FOXP2: variants seen among roughly 807,000 people sequenced by gnomAD.
The protein encoded by FOXP2 is forkhead box protein P2.
In FOXP2, 12 loss-of-function variants were observed where a neutral mutation model predicts 115.8. The observed-to-expected ratio is 0.10, with a 90% CI of 0.07 to 0.17. FOXP2 has a LOEUF of 0.17. FOXP2 is among the 10% of genes least tolerant of loss of function. The pLI is 1.00. For synonymous variants in FOXP2, 328 were observed against 297.7 expected (o/e 1.10, Z -1.05); for missense variants, 629 against 843.5 (o/e 0.75, Z 3.15).
chr7:114,578,267 G>C (rs1220275745), intron 3 of FOXP2, among the ~76,000 whole-genome samples: 2 of 151,884 alleles, frequency 1.3e-5, no homozygotes, highest in African/African-American at 4.8e-5. Flanking sequence ...TATTACCTGA[G>C]TAGATACTGC....
chr7:114,368,167 T>C (rs1395467888), intron 2 of FOXP2, among the ~76,000 whole-genome samples: 2 of 152,200 alleles, frequency 1.3e-5, no homozygotes, highest in African/African-American at 4.8e-5. Flanking sequence ...TTTTGAAACC[T>C]GTTTTATTTA....
chr7:114,485,643 A>G (rs1796740146), intron 2 of FOXP2, among the ~76,000 whole-genome samples: 2 of 152,186 alleles, frequency 1.3e-5, no homozygotes, highest in East Asian at 3.9e-4. Flanking sequence ...TAATAACAAT[A>G]AGAAGAATAA....
intron 1 of FOXP2, among the ~76,000 whole-genome samples, chr7:114,100,867 A>T (rs1790928535): frequency 6.6e-6 from 1 of 152,168 alleles, no homozygotes; most frequent in Non-Finnish European, 1.5e-5. Flanking sequence ...TTTAATCCTC[A>T]TAATCTCTTT....
chr7:114,428,842 C>T (rs1187679336), intron 2 of FOXP2, among the ~76,000 whole-genome samples: 1 of 151,396 alleles, frequency 6.6e-6, no homozygotes. Context: ...TTTATTAAAA[C>T]AAATTTCACA....
chr7:114,540,472 T>A (rs1799600015), intron 3 of FOXP2, among the ~76,000 whole-genome samples: 1 of 152,006 alleles, frequency 6.6e-6, no homozygotes, highest in Non-Finnish European at 1.5e-5. Flanking sequence ...AAACATCCAT[T>A]CATTCAGTAT....
chr7:114,626,297 T>C (rs992106421), intron 3 of FOXP2, among the ~76,000 whole-genome samples: 3 of 151,842 alleles, frequency 2.0e-5, no homozygotes, highest in Non-Finnish European at 4.4e-5. Flanking sequence ...TCTACAGTCA[T>C]ATTATATGTA....
At chr7:114,402,805 T>C (rs1792918139) in intron 2 of FOXP2, among the ~76,000 whole-genome samples, 2 of 152,030 alleles carry the variant, frequency 1.3e-5, no homozygotes, top group Non-Finnish European at 2.9e-5. Flanking sequence ...GATTTTTGTT[T>C]GTTTGTTTGT....
At chr7:114,688,967 T>TA (rs1808514560) in intron 16 of FOXP2, among the ~76,000 whole-genome samples, 2 of 152,056 alleles carry the variant, frequency 1.3e-5, no homozygotes, top group Admixed American at 1.3e-4. Flanking sequence ...GCTTCAGGGG[T>TA]AAAAAGGATG....
At chr7:114,243,047 G>A (rs1183463706) in intron 1 of FOXP2, among the ~76,000 whole-genome samples, 1 of 152,052 alleles carries the variant, frequency 6.6e-6, no homozygotes, top group Non-Finnish European at 1.5e-5. Flanking sequence ...GCCAGACGTT[G>A]TGCCAGTCAT....
intron 2 of FOXP2, among the ~76,000 whole-genome samples, chr7:114,352,544 A>C (rs1791519041): frequency 6.6e-6 from 1 of 152,194 alleles, no homozygotes; most frequent in African/African-American, 2.4e-5. Context: ...AAGTAGCTTA[A>C]CAACACAATT....
intron 2 of FOXP2, among the ~76,000 whole-genome samples, chr7:114,329,902 C>T (rs911526608): frequency 2.0e-5 from 3 of 151,962 alleles, no homozygotes; most frequent in Non-Finnish European, 4.4e-5. Flanking sequence ...GTCTCAAACT[C>T]CTGACCTCGA....
chr7:114,621,784 C>T (rs933984124), intron 3 of FOXP2, among the ~76,000 whole-genome samples: 3 of 152,030 alleles, frequency 2.0e-5, no homozygotes, highest in Admixed American at 6.6e-5. Context: ...GTGTACCCAG[C>T]GGCAGGAGGG....
chr7:114,620,623 G>T (rs922121706), intron 3 of FOXP2, among the ~76,000 whole-genome samples: 1 of 151,990 alleles, frequency 6.6e-6, no homozygotes, highest in Non-Finnish European at 1.5e-5. Flanking sequence ...TGGAAAGTCA[G>T]TTATTAAACA....
At chr7:114,097,679 A>G (rs912099412) in intron 1 of FOXP2, among the ~76,000 whole-genome samples, 2 of 151,586 alleles carry the variant, frequency 1.3e-5, no homozygotes, top group Non-Finnish European at 2.9e-5. Flanking sequence ...TCCCACTTCC[A>G]CCCCAGCCTC....
intron 1 of FOXP2, among the ~76,000 whole-genome samples, chr7:114,129,696 G>T (rs569813259): frequency 1.3e-5 from 2 of 152,140 alleles, no homozygotes; most frequent in South Asian, 4.1e-4. Flanking sequence ...TAGCACTATG[G>T]TGTTGGCCGA....
rs141449473 is a variant in FOXP2, at chr7:114,216,336, A to G, written c.-102+53248A>G. 1.0e-3 allele frequency among the ~76,000 whole-genome samples: 153 copies of G among 152,284 alleles called. 1 individual carries two copies. The highest frequency in any genetic ancestry group is 1.7e-3 in the Non-Finnish European group (119 of 68,008). On this transcript the variant is annotated intron_variant, in intron 1 of 17. Transcript: ENST00000634411. ...CCTGAAGTTTTTCTGTTCGGCATTT[A>G]TGAGATCCAATTCAAATTGCTATTA...
At chr7:114,481,662 A>G (rs1253998714) in intron 2 of FOXP2, among the ~76,000 whole-genome samples, 1 of 151,346 alleles carries the variant, frequency 6.6e-6, no homozygotes, top group East Asian at 1.9e-4. Flanking sequence ...TATTGAAGGT[A>G]GGATCAAGTC....
intron 1 of FOXP2, among the ~76,000 whole-genome samples, chr7:114,251,769 G>A (rs1379600647): frequency 6.6e-6 from 1 of 152,104 alleles, no homozygotes; most frequent in Non-Finnish European, 1.5e-5. Context: ...TTTCCTAATT[G>A]AATATCCTTT....
chr7:114,417,557 C>T (rs1244492920), intron 1 of FOXP2, among the ~76,000 whole-genome samples: 1 of 151,842 alleles, frequency 6.6e-6, no homozygotes, highest in Non-Finnish European at 1.5e-5. Context: ...TGCAGTTAAG[C>T]AGTGGAATCT....
Sources: gnomAD v4.1 joint callset for allele counts (sites outside exome capture counted in the v4.1 genomes callset) on GRCh38, gnomAD v4.1.1 for gene constraint, MANE v1.5 for transcripts, NCBI Gene and HGNC (gene_info 2026-07-23, HGNC 2026-07-21) for gene names.